Variants in SPTA1 observed in about 807,000 individuals in gnomAD.
SPTA1 encodes the protein spectrin alpha, erythrocytic 1.
In SPTA1, 177 loss-of-function variants were observed where a neutral mutation model predicts 324.7. The observed-to-expected ratio is 0.55, with a 90% CI of 0.48 to 0.62. The LOEUF (loss-of-function observed/expected upper bound fraction) is 0.62, where lower values mean the gene tolerates loss of function less well. SPTA1 is among the 20% of genes least tolerant of loss of function. SPTA1 has a pLI of 0.00. For missense variants in SPTA1, 3,162 were observed against 2,883.6 expected (o/e 1.10, Z -2.21); for synonymous variants, 1,195 against 1,041.3 (o/e 1.15, Z -2.84).
chr1:158,656,638 C>T lies in SPTA1; in HGVS notation c.2824G>A (p.Glu942Lys), dbSNP rs1465435093. 6.2e-7 allele frequency: 1 copy of T among 1,613,542 alleles called. No individual in the cohort carries two copies. Among genetic ancestry groups the T allele is most frequent in the African/African-American group, 1.3e-5 (1 of 74,868 alleles). ...EAAGALLKKH[E>K]AFLLDLNSFG... Reference sequence around the variant, plus strand: ...GAATTGAGATCTAATAGAAAGGCCTCATGCTTCTTTAGAAGAGCCTGCATT... The same window carrying T: ...GAATTGAGATCTAATAGAAAGGCCTTATGCTTCTTTAGAAGAGCCTGCATT... The change falls in exon 20 of 52, where the codon GAG becomes AAG. Residue 942 changes from glutamate to lysine, a missense_variant. Physicochemically the swap from Glu to Lys is moderately conservative, Grantham distance 56 (BLOSUM62 1). Coordinates refer to ENST00000643759, the MANE Select transcript of SPTA1 (RefSeq NM_003126.4).
At chr1:158,615,169 T>A (rs764672787) in intron 48 of SPTA1, 47 bp downstream of exon 48, 4 of 1,609,808 alleles carry the variant, frequency 2.5e-6, no homozygotes, top group Non-Finnish European at 3.4e-6. Context: ...TCCTAACACC[T>A]AACACCACCT....
intron 30 of SPTA1, among the ~76,000 whole-genome samples, chr1:158,644,015 T>C (rs1651810134): frequency 6.6e-6 from 1 of 151,798 alleles, no homozygotes; most frequent in African/African-American, 2.4e-5. Flanking sequence ...TGGGTGTCTG[T>C]AATCCCAGCT....
At chr1:158,647,266 A>G (rs1381212204) in intron 27 of SPTA1, among the ~76,000 whole-genome samples, 1 of 152,244 alleles carries the variant, frequency 6.6e-6, no homozygotes, top group Non-Finnish European at 1.5e-5. Flanking sequence ...TACTGAATAC[A>G]GTAGAAGACT....
intron 5 of SPTA1, 115 bp downstream of exon 5, chr1:158,680,468 A>G: frequency 6.8e-7 from 1 of 1,462,762 alleles, no homozygotes; most frequent in South Asian, 1.1e-5. Context: ...GGAACATGCC[A>G]ACCTCTGTTT....
chr1:158,639,936 G>T lies in SPTA1; in HGVS notation c.4809C>A (p.Leu1603=). ...LERTNDKGKK[L]NEASRQQRFN... ...ACCTCTGTTGACGACTGGCCTCATT[G>T]AGCTTCTTCCCTTTGTCATTTGTTC... The change falls in exon 34 of 52, where the codon CTC becomes CTA. Residue 1603 remains leucine, a synonymous_variant. Coordinates refer to ENST00000643759, the MANE Select transcript of SPTA1 (RefSeq NM_003126.4). The T allele has an allele frequency of 6.2e-7, 1 of 1,613,902 alleles. No individual in the cohort carries two copies.
rs1654086576 is a variant in SPTA1 at position 158,672,322 on chromosome 1, A to G, written c.1351-126T>C. 4 of 999,566 alleles carry G rather than the reference A, an allele frequency of 4.0e-6. No individual in the cohort carries two copies. The Admixed American group carries it at 6.8e-5, about 17-fold the overall frequency. The allele number at this position is 999,566 out of a possible 1,614,324, so 61.9% of individuals were successfully genotyped here. Reference sequence around the variant, plus strand: ...AATAAACAGCAAATGGGCTTTTAAGATTCCAACTTTTAAGCAAATGATTGT... The same window carrying G: ...AATAAACAGCAAATGGGCTTTTAAGGTTCCAACTTTTAAGCAAATGATTGT... On this transcript the variant is annotated intron_variant, in intron 10 of 51. Coordinates refer to ENST00000643759, the MANE Select transcript of SPTA1 (RefSeq NM_003126.4).
intron 42 of SPTA1, among the ~76,000 whole-genome samples, chr1:158,624,215 G>C (rs1650114131): frequency 6.6e-6 from 1 of 152,202 alleles, no homozygotes; most frequent in Non-Finnish European, 1.5e-5. Context: ...ACCCGCCCCT[G>C]ACAGAGCCCT....
In SPTA1 at chr1:158,657,492, A is replaced by T; in HGVS notation, c.2790T>A (p.Asp930Glu). The T allele has an allele frequency of 1.2e-6, 2 of 1,613,646 alleles. No individual in the cohort carries two copies. The highest frequency in any genetic ancestry group is 1.7e-6 in the Non-Finnish European group (2 of 1,179,794). The change falls in exon 19 of 52, where the codon GAT (aspartate) becomes GAA (glutamate). Residue 930 changes from aspartate (D) to glutamate (E), a missense_variant. By Grantham distance (45) the Asp-to-Glu change is conservative. Transcript: ENST00000643759. Reference sequence around the variant, plus strand: ...CCCACCTTACCCCAGCTGCTTCTTCATCAGCACCATAGTTAGTATTATCTA... The same window carrying T: ...CCCACCTTACCCCAGCTGCTTCTTCTTCAGCACCATAGTTAGTATTATCTA... Reference protein sequence around the residue: ...PIVDNTNYGADEEAAGALLKK... With the variant: ...PIVDNTNYGAEEEAAGALLKK...
intron 45 of SPTA1, 51 bp downstream of exon 45, chr1:158,619,171 G>C: frequency 6.5e-7 from 1 of 1,535,144 alleles, no homozygotes; most frequent in Non-Finnish European, 9.0e-7. Context: ...TCATCCCTAT[G>C]GCAAATGGTG....
chr1:158,680,719 G>T lies in SPTA1; in HGVS notation c.542C>A (p.Ala181Glu), dbSNP rs1365951919. ...GTCTTCACCTAGCTCCACTGATGTCGCTATAGCCTCCTGTAGACACAGAAG... is the reference window on the plus strand; with the variant it reads ...GTCTTCACCTAGCTCCACTGATGTCTCTATAGCCTCCTGTAGACACAGAAG... ...LEWIGDKEAI[A>E]TSVELGEDWE... Residue 181 changes from alanine (A) to glutamate (E), a missense_variant, in exon 5 of 52, where the codon GCG becomes GAG. Ala to Glu is a moderately radical substitution (Grantham distance 107). Coordinates refer to ENST00000643759, the MANE Select transcript of SPTA1 (RefSeq NM_003126.4). 2 of 1,613,596 alleles carry T rather than the reference G, an allele frequency of 1.2e-6. No homozygotes were observed. The highest frequency in any genetic ancestry group is 1.7e-6 in the Non-Finnish European group (2 of 1,179,770).
At chr1:158,684,501 A>G (rs1655032832) in intron 2 of SPTA1, among the ~76,000 whole-genome samples, 1 of 152,152 alleles carries the variant, frequency 6.6e-6, no homozygotes. Context: ...TATTGTAACC[A>G]TCAAATTCTA....
At chr1:158,684,153 C>T (rs1400146630) in intron 2 of SPTA1, among the ~76,000 whole-genome samples, 2 of 151,456 alleles carry the variant, frequency 1.3e-5, no homozygotes, top group Non-Finnish European at 2.9e-5. Flanking sequence ...ACAGGTATCA[C>T]ATGCTATAAT....
rs746623140 is a variant in SPTA1, at chr1:158,611,322, C to A, written c.7202G>T (p.Arg2401Leu). The part of the protein sequence containing the change: ...HMQQYMDPRG[R>L]SHLSGYDYVG... ...GTAGTCATAGCCAGAGAGATGGCTT[C>A]GACCCCGTGGGTCCATATATTGCTG... Residue 2401 changes from arginine to leucine, a missense_variant, in exon 52 of 52, where the codon CGA becomes CTA. Arg to Leu is a moderately radical substitution (Grantham distance 102). Transcript: ENST00000643759. The A allele has an allele frequency of 6.2e-7, 1 of 1,613,670 alleles. No homozygotes were observed.
At position 158,617,694 on chromosome 1, in the gene SPTA1, T is replaced by A. The variant is rs116383143; in HGVS notation, c.6549-106A>T. On this transcript the variant is annotated intron_variant, in intron 46 of 51. Transcript: ENST00000643759. ...CTGTTTCAACTTCTCCAAGGTTATG[T>A]GGCTTACATGAAGCAAAATTTCACA... 1.7e-3 allele frequency: 1,972 copies of A among 1,168,418 alleles called. 27 individuals carry two copies. The African/African-American group carries it at 0.027, about 16-fold the overall frequency. The allele number at this position is 1,168,418 out of a possible 1,614,324, so 72.4% of individuals were successfully genotyped here.
intron 42 of SPTA1, among the ~76,000 whole-genome samples, 156 bp downstream of exon 42, chr1:158,625,990 G>GA (rs557664149): frequency 8.6e-4 from 130 of 151,658 alleles, no homozygotes; most frequent in African/African-American, 3.0e-3. Flanking sequence ...GAGAGAGAGG[G>GA]AAAAAATAAT....
chr1:158,613,009 G>T, intron 50 of SPTA1, 48 bp from the exon 51 acceptor site: 1 of 1,603,260 alleles, frequency 6.2e-7, no homozygotes. Context: ...GGCAGAGAAG[G>T]AAGTCCCCTT....
At position 158,671,520 on chromosome 1, in the gene SPTA1, C is replaced by T. The variant is rs746743074; in HGVS notation, c.1489-67G>A. On this transcript the variant is annotated intron_variant, in intron 11 of 51. Coordinates refer to ENST00000643759, the MANE Select transcript of SPTA1 (RefSeq NM_003126.4). ...GTAAGAAACATTCCTCTTGGCATAT[C>T]TCTGAGACAAGGACTAAGGCAGGAG... The T allele has an allele frequency of 2.3e-6, 3 of 1,296,388 alleles. No individual in the cohort carries two copies. The East Asian group carries it at 7.0e-5, about 30-fold the overall frequency. The allele number at this position is 1,296,388 out of a possible 1,614,324, so 80.3% of individuals were successfully genotyped here.
chr1:158,631,333 C>T (rs1340933754), intron 39 of SPTA1, among the ~76,000 whole-genome samples: 1 of 152,074 alleles, frequency 6.6e-6, no homozygotes, highest in East Asian at 1.9e-4. Context: ...TGGGGGGCCA[C>T]TCTAAGTGAA....
At chr1:158,643,266 A>G in intron 31 of SPTA1, 56 bp downstream of exon 31, 1 of 1,595,912 alleles carries the variant, frequency 6.3e-7, no homozygotes, top group South Asian at 1.1e-5. Flanking sequence ...ATGCTAGCAA[A>G]AAGGTCAGTT....
Sources: allele counts gnomAD v4.1 joint callset (sites outside exome capture counted in the v4.1 genomes callset), GRCh38; gene constraint gnomAD v4.1.1; transcripts MANE v1.5; gene names NCBI Gene and HGNC (gene_info 2026-07-23, HGNC 2026-07-21).